UCHL3: variants seen among roughly 807,000 people sequenced by gnomAD.
The protein encoded by UCHL3 is ubiquitin carboxyl-terminal hydrolase isozyme L3.
A neutral mutation model predicts 35.8 loss-of-function variants in UCHL3; 22 were observed. That is an observed-to-expected ratio of 0.61 (90% CI 0.44 to 0.88). The LOEUF is 0.88. Ranked by LOEUF, UCHL3 falls within the 40% of genes least tolerant of loss-of-function variation. The pLI, the probability that UCHL3 is intolerant of heterozygous loss-of-function variation, is 0.00. For synonymous variants in UCHL3, 90 were observed against 92.8 expected (o/e 0.97, Z 0.17); for missense variants, 229 against 276.9 (o/e 0.83, Z 1.23).
At chr13:75,567,178 T>C in intron 4 of UCHL3, 49 bp from the exon 5 acceptor site, 2 of 1,520,810 alleles carry the variant, frequency 1.3e-6, no homozygotes, top group Non-Finnish European at 1.8e-6. Flanking sequence ...TATATTGGTC[T>C]CTCTGCTGTA....
chr13:75,592,441 T>TATATATATATATGTATATACATATATAC (rs2032518409), intron 6 of UCHL3, among the ~76,000 whole-genome samples: 1 of 106,742 alleles, frequency 9.4e-6, no homozygotes, highest in Non-Finnish European at 1.9e-5. Context: ...TATATATATA[T>TATATATATATATGTATATACATATATAC]ATATATATAT....
chr13:75,584,177 C>G (rs1429550792), intron 6 of UCHL3, among the ~76,000 whole-genome samples: 2 of 152,160 alleles, frequency 1.3e-5, no homozygotes, highest in Admixed American at 1.3e-4. Context: ...CTGAGAAAGT[C>G]TTGTCCTTGA....
chr13:75,592,452 A>ATATATGTATATATG (rs2032528734), intron 6 of UCHL3, among the ~76,000 whole-genome samples: 5 of 114,836 alleles, frequency 4.4e-5, no homozygotes, highest in Non-Finnish European at 7.3e-5. Context: ...ATATATATAT[A>ATATATGTATATATG]TATATATATA....
chr13:75,592,397 G>GAATTTT (rs2138564126), intron 6 of UCHL3, among the ~76,000 whole-genome samples: 1 of 53,850 alleles, frequency 1.9e-5, no homozygotes, highest in East Asian at 6.1e-4. Context: ...ATGTAAAGTG[G>GAATTTT]AATTTTAATT....
At chr13:75,551,504 T>C (rs1246515214) in intron 2 of UCHL3, among the ~76,000 whole-genome samples, 1 of 151,782 alleles carries the variant, frequency 6.6e-6, no homozygotes, top group Non-Finnish European at 1.5e-5. Flanking sequence ...AGACAATTCA[T>C]ATTAAGAAAA....
intron 6 of UCHL3, among the ~76,000 whole-genome samples, chr13:75,593,949 C>A (rs552380379): frequency 7.9e-4 from 121 of 152,228 alleles, no homozygotes; most frequent in African/African-American, 2.7e-3. Flanking sequence ...ATTAAGTAAT[C>A]TGAGATATAA....
chr13:75,564,061 G>C (rs1396530569), intron 3 of UCHL3, among the ~76,000 whole-genome samples: 1 of 151,910 alleles, frequency 6.6e-6, no homozygotes, highest in African/African-American at 2.4e-5. Flanking sequence ...ACTATACCAT[G>C]TTTTTATCCA....
chr13:75,551,425 TG>T (rs1419395356), intron 2 of UCHL3, among the ~76,000 whole-genome samples: 3 of 146,784 alleles, frequency 2.0e-5, no homozygotes, highest in African/African-American at 7.6e-5. Flanking sequence ...AGCAAGACTC[TG>T]TCTCAAAAAA....
At chr13:75,592,437 T>TACATATATACATATATAC (rs1566227988) in intron 6 of UCHL3, among the ~76,000 whole-genome samples, 1 of 59,242 alleles carries the variant, frequency 1.7e-5, no homozygotes, top group Non-Finnish European at 3.5e-5. Flanking sequence ...TATATATATA[T>TACATATATACATATATAC]ATATATATAT....
intron 6 of UCHL3, among the ~76,000 whole-genome samples, chr13:75,574,857 T>G (rs573231681): frequency 6.6e-6 from 1 of 152,278 alleles, no homozygotes; most frequent in African/African-American, 2.4e-5. Flanking sequence ...TTGGGTCATA[T>G]GTGTAGGAGT....
intron 7 of UCHL3, among the ~76,000 whole-genome samples, chr13:75,601,045 A>G (rs1671085617): frequency 6.6e-6 from 1 of 152,250 alleles, no homozygotes; most frequent in Admixed American, 6.5e-5. Context: ...TCATGAAAAT[A>G]GCAAGAAAAC....
intron 6 of UCHL3, among the ~76,000 whole-genome samples, chr13:75,593,851 A>C (rs1040230801): frequency 6.6e-6 from 1 of 152,222 alleles, no homozygotes; most frequent in African/African-American, 2.4e-5. Flanking sequence ...AGAAAACTTC[A>C]TATTACAACT....
intron 6 of UCHL3, among the ~76,000 whole-genome samples, chr13:75,584,572 A>T (rs986822302): frequency 2.6e-5 from 4 of 152,204 alleles, no homozygotes; most frequent in African/African-American, 9.6e-5. Flanking sequence ...CATATTATTT[A>T]TCACAGTCTC....
intron 5 of UCHL3, 36 bp downstream of exon 5, chr13:75,567,348 C>T (rs1028483044): frequency 3.1e-6 from 5 of 1,587,504 alleles, no homozygotes; most frequent in Admixed American, 1.7e-5. Flanking sequence ...CTCATGTGGG[C>T]AAAAGTTTGT....
chr13:75,583,106 A>G (rs977183926), intron 6 of UCHL3, among the ~76,000 whole-genome samples: 4 of 152,228 alleles, frequency 2.6e-5, no homozygotes, highest in Admixed American at 6.5e-5. Flanking sequence ...ATTGATTCTA[A>G]TGTTTTAACA....
intron 7 of UCHL3, among the ~76,000 whole-genome samples, chr13:75,596,564 G>A (rs1046400943): frequency 1.3e-5 from 2 of 152,102 alleles, no homozygotes; most frequent in Non-Finnish European, 2.9e-5. Flanking sequence ...AGTAGATTTG[G>A]CCAGAGCAAA....
At chr13:75,560,127 T>C (rs1254139321) in intron 2 of UCHL3, among the ~76,000 whole-genome samples, 2 of 152,232 alleles carry the variant, frequency 1.3e-5, no homozygotes, top group Non-Finnish European at 2.9e-5. Context: ...ATGCATTAGA[T>C]ACATTTTTGG....
rs1354928589 is a variant in UCHL3 at position 75,605,979 on chromosome 13, G to T, written c.*167G>T. ...TATGTTATTTTTGCTCCAGGTTAAA[G>T]GTGCAATGCTTTCCTCCTCTTTTCT... On this transcript the variant is annotated 3_prime_UTR_variant, in exon 9 of 9. Coordinates refer to ENST00000377595, the MANE Select transcript of UCHL3 (RefSeq NM_006002.5). 2 of 582,302 alleles carry T rather than the reference G, an allele frequency of 3.4e-6. No homozygotes were observed. Among genetic ancestry groups the T allele is most frequent in the Non-Finnish European group, 6.0e-6 (2 of 334,162 alleles). 36.1% of individuals were successfully genotyped at this position (582,302 alleles called of 1,614,324 possible).
intron 6 of UCHL3, among the ~76,000 whole-genome samples, chr13:75,591,328 C>T (rs907137849): frequency 3.3e-5 from 5 of 152,164 alleles, no homozygotes; most frequent in Middle Eastern, 3.4e-3. Flanking sequence ...CATTGGGTCA[C>T]GACATTCTTC....
Sources: gnomAD v4.1 joint callset for allele counts (sites outside exome capture counted in the v4.1 genomes callset) on GRCh38, gnomAD v4.1.1 for gene constraint, MANE v1.5 for transcripts, NCBI Gene and HGNC (gene_info 2026-07-23, HGNC 2026-07-21) for gene names.